DOCK4: variants seen among roughly 807,000 people sequenced by gnomAD.
The protein encoded by DOCK4 is dedicator of cytokinesis 4, also known as dedicator of cytokinesis protein 4.
Under a neutral mutation model 268.1 loss-of-function variants are expected in DOCK4, and 97 were observed. The ratio of observed to expected loss-of-function variants is 0.36; its 90% CI spans 0.31 to 0.43. The LOEUF (loss-of-function observed/expected upper bound fraction) is 0.43. Among genes scored for constraint, DOCK4 ranks in the 20% least tolerant of loss-of-function variants. The pLI is 1.00. For synonymous variants in DOCK4, 954 were observed against 887.2 expected, an observed-to-expected ratio of 1.08 and a Z score of -1.34; for missense variants, 2,145 against 2,455.7, an observed-to-expected ratio of 0.87 and a Z score of 2.67.
chr7:112,148,619 A>G (rs934275400), intron 1 of DOCK4, among the ~76,000 whole-genome samples: 14 of 152,138 alleles, frequency 9.2e-5, no homozygotes, highest in Non-Finnish European at 2.1e-4. Context: ...GTCTATATTC[A>G]TAATTGAAGG....
intron 1 of DOCK4, among the ~76,000 whole-genome samples, chr7:112,159,536 C>G (rs1816901785): frequency 6.6e-6 from 1 of 152,130 alleles, no homozygotes; most frequent in African/African-American, 2.4e-5. Flanking sequence ...GCCCTACTTC[C>G]TCCTGTCAAA....
At chr7:111,978,066 G>C (rs1273838374) in intron 7 of DOCK4, among the ~76,000 whole-genome samples, 2 of 152,118 alleles carry the variant, frequency 1.3e-5, no homozygotes, top group African/African-American at 2.4e-5. Flanking sequence ...ATACATTCAA[G>C]TATCTCCTAT....
chr7:112,022,180 G>A (rs1165367423), intron 1 of DOCK4, among the ~76,000 whole-genome samples: 1 of 152,168 alleles, frequency 6.6e-6, no homozygotes, highest in Non-Finnish European at 1.5e-5. Context: ...GTTTAGCGCG[G>A]TATAATCACT....
chr7:112,021,840 G>A (rs1055264460), intron 1 of DOCK4, among the ~76,000 whole-genome samples: 5 of 152,060 alleles, frequency 3.3e-5, no homozygotes, highest in African/African-American at 1.2e-4. Context: ...TTCGCCCTGC[G>A]CTTCCCTAGT....
chr7:111,868,239 T>A (rs1210265661), intron 21 of DOCK4, 85 bp from the exon 22 acceptor site: 1 of 1,079,994 alleles, frequency 9.3e-7, no homozygotes, highest in East Asian at 2.6e-5. Flanking sequence ...AACCATGGTA[T>A]GGCATTAAAC....
intron 12 of DOCK4, among the ~76,000 whole-genome samples, chr7:111,933,258 TTA>T (rs550065410): frequency 2.4e-5 from 3 of 126,716 alleles, no homozygotes; most frequent in African/African-American, 6.6e-5. Flanking sequence ...ACATATATAC[TTA>T]TATATATATA....
At chr7:111,758,835 A>G in intron 40 of DOCK4, 45 bp from the exon 41 acceptor site, 1 of 1,596,834 alleles carries the variant, frequency 6.3e-7, no homozygotes, top group Admixed American at 1.7e-5. Flanking sequence ...GGCAAACTCC[A>G]TGGAAGTCTG....
chr7:111,951,508 C>T (rs1216101258), intron 8 of DOCK4, among the ~76,000 whole-genome samples: 3 of 151,882 alleles, frequency 2.0e-5, no homozygotes, highest in Non-Finnish European at 4.4e-5. Context: ...AACAGGGCAC[C>T]TCAGAGCACC....
chr7:112,134,480 G>C (rs375793565), intron 1 of DOCK4, among the ~76,000 whole-genome samples: 5 of 152,320 alleles, frequency 3.3e-5, no homozygotes, highest in African/African-American at 1.2e-4. Context: ...AGCACTTTGG[G>C]AGGCCAAGGC....
intron 41 of DOCK4, among the ~76,000 whole-genome samples, chr7:111,756,226 G>A (rs551033045): frequency 6.6e-6 from 1 of 152,156 alleles, no homozygotes; most frequent in African/African-American, 2.4e-5. Flanking sequence ...GCGGGCACCT[G>A]TAGTCCCAGC....
chr7:111,976,660 T>A (rs1202523637), intron 8 of DOCK4: 1 of 152,120 alleles, frequency 6.6e-6, no homozygotes, highest in Non-Finnish European at 1.5e-5. Flanking sequence ...AAATTAGTTA[T>A]CATCTCAAAG....
chr7:111,846,311 G>C (rs565614162), intron 24 of DOCK4, among the ~76,000 whole-genome samples: 1 of 152,360 alleles, frequency 6.6e-6, no homozygotes, highest in East Asian at 1.9e-4. Flanking sequence ...CATATTGGCA[G>C]AAGTGGAACA....
rs1456707291 is a variant in DOCK4, at chr7:111,994,165, G to A, written c.285C>T (p.Asp95=). The change falls in exon 5 of 53, where the codon GAC becomes GAT. Residue 95 remains aspartate, a synonymous_variant. Transcript: ENST00000428084. ...AGAGTTGTTTCCACATGGTTCCCCA[G>A]TCTCTTAATGTTGATGTCATTTCTG... ...VITEMTSTLR[D]WGTMWKQLYV... The A allele has an allele frequency of 6.2e-7, 1 of 1,607,110 alleles. No individual in the cohort carries two copies. The highest frequency in any genetic ancestry group is 1.1e-5 in the South Asian group (1 of 89,990).
chr7:112,149,503 A>T (rs971239248), intron 1 of DOCK4, among the ~76,000 whole-genome samples: 1 of 151,926 alleles, frequency 6.6e-6, no homozygotes, highest in African/African-American at 2.4e-5. Flanking sequence ...AATGACTTAT[A>T]AAGAGGTTTA....
intron 25 of DOCK4, chr7:111,840,720 G>A (rs1392043063): frequency 3.9e-6 from 4 of 1,038,326 alleles, no homozygotes; most frequent in Middle Eastern, 2.6e-4. Flanking sequence ...CAGAGCACTG[G>A]AAGAATTCAC....
intron 1 of DOCK4, among the ~76,000 whole-genome samples, chr7:112,061,640 A>G (rs1303237107): frequency 6.6e-6 from 1 of 151,966 alleles, no homozygotes; most frequent in Admixed American, 6.6e-5. Flanking sequence ...AAACACACCC[A>G]ATTTTTCCTT....
chr7:112,134,593 C>G (rs936492695), intron 1 of DOCK4, among the ~76,000 whole-genome samples: 1 of 151,950 alleles, frequency 6.6e-6, no homozygotes, highest in South Asian at 2.1e-4. Context: ...TGGTGACAGG[C>G]AAGTCCCAGC....
At position 111,847,098 on chromosome 7, in the gene DOCK4, C is replaced by T; in HGVS notation, c.2502G>A (p.Val834=). ...PDSRYILLPV[V]LHHLHIHLQE... ...GCAAGTGAATGTGGAGGTGATGTAA[C>T]ACGACAGGCAGAAGAATGTATCGGG... The change falls in exon 24 of 53, where the codon GTG becomes GTA. Residue 834 remains valine, a synonymous_variant. Coordinates refer to ENST00000428084, the MANE Select transcript of DOCK4 (RefSeq NM_001363540.2). 6.2e-7 allele frequency: 1 copy of T among 1,613,758 alleles called. No homozygotes were observed. Among genetic ancestry groups the T allele is most frequent in the Non-Finnish European group, 8.5e-7 (1 of 1,179,752 alleles).
At chr7:112,036,930 G>C (rs548330704) in intron 1 of DOCK4, among the ~76,000 whole-genome samples, 5 of 152,184 alleles carry the variant, frequency 3.3e-5, no homozygotes, top group African/African-American at 1.2e-4. Flanking sequence ...CATAGTGCTG[G>C]GATTACAAGC....
Sources: gnomAD v4.1 joint callset for allele counts (sites outside exome capture counted in the v4.1 genomes callset) on GRCh38, gnomAD v4.1.1 for gene constraint, MANE v1.5 for transcripts, NCBI Gene and HGNC (gene_info 2026-07-23, HGNC 2026-07-21) for gene names.